Variants in CEP70 observed in about 807,000 individuals in gnomAD.
The protein encoded by CEP70 is centrosomal protein 70, also known as centrosomal protein of 70 kDa.
In CEP70, 70 loss-of-function variants were observed where a neutral mutation model predicts 90.9. The ratio of observed to expected loss-of-function variants is 0.77; its 90% CI spans 0.64 to 0.94. The LOEUF is 0.94. CEP70 is among the 40% of genes least tolerant of loss of function. CEP70 has a pLI of 0.00. For synonymous variants in CEP70, 220 were observed against 228.3 expected (o/e 0.96, Z 0.33); for missense variants, 648 against 669.0 (o/e 0.97, Z 0.35).
rs143985170 is a variant in CEP70 at position 138,557,435 on chromosome 3, T to C, written c.465+12883A>G. On this transcript the variant is annotated intron_variant, in intron 6 of 17. Transcript: ENST00000264982. ...GCATAGGAAATCACAAGGGTATTGA[T>C]TGGGGAAGTGATAAGCGTCCATGAA... is the stretch of plus-strand genomic sequence containing the variant. 3.9e-3 allele frequency among the ~76,000 whole-genome samples: 595 copies of C among 152,266 alleles called. 3 individuals carry two copies. The highest frequency in any genetic ancestry group is 0.014 in the African/African-American group (575 of 41,542).
At chr3:138,588,093 T>C (rs2042196834) in intron 2 of CEP70, among the ~76,000 whole-genome samples, 2 of 151,542 alleles carry the variant, frequency 1.3e-5, no homozygotes, top group South Asian at 4.2e-4. Context: ...TCTCACACCA[T>C]ATACAAAAAA....
At chr3:138,507,212 G>A (rs770142297) in intron 12 of CEP70, among the ~76,000 whole-genome samples, 9 of 152,044 alleles carry the variant, frequency 5.9e-5, no homozygotes, top group African/African-American at 2.4e-5. Context: ...AAATAACAAG[G>A]TATTTCCTAA....
intron 6 of CEP70, among the ~76,000 whole-genome samples, chr3:138,539,895 G>A (rs1414568959): frequency 6.6e-6 from 1 of 152,092 alleles, no homozygotes; most frequent in Admixed American, 6.6e-5. Context: ...ATACCATACT[G>A]GACATAGGAA....
chr3:138,512,798 T>C (rs1228956192), intron 11 of CEP70, among the ~76,000 whole-genome samples: 1 of 152,132 alleles, frequency 6.6e-6, no homozygotes, highest in Non-Finnish European at 1.5e-5. Flanking sequence ...GATCTCACAG[T>C]GGAATAAGAT....
chr3:138,575,493 A>AG (rs1474087184), intron 2 of CEP70, among the ~76,000 whole-genome samples: 44 of 152,244 alleles, frequency 2.9e-4, no homozygotes, highest in African/African-American at 8.4e-4. Context: ...CCCAAAAGTG[A>AG]TGGGGGGAAT....
intron 11 of CEP70, among the ~76,000 whole-genome samples, chr3:138,517,212 C>T (rs2036111299): frequency 6.6e-6 from 1 of 152,184 alleles, no homozygotes. Flanking sequence ...TAGGCAACTA[C>T]CTTTTTTGTT....
Position 138,505,399 on chromosome 3 carries a change from T to C in CEP70, c.1117A>G (p.Lys373Glu). The change falls in exon 13 of 18, where the codon AAA becomes GAA. Residue 373 changes from lysine to glutamate, a missense_variant. Physicochemically the swap from Lys to Glu is moderately conservative, Grantham distance 56. Transcript: ENST00000264982. ...TTATTAAAATTTTGGACTCCCCCTT[T>C]GGTCTGTTTATAAATTATTACTGGA... ...RAPVIIYKQT[K>E]GGVQNFNKDL... 1 of 1,612,216 alleles carries C rather than the reference T, an allele frequency of 6.2e-7. No individual in the cohort carries two copies. Among genetic ancestry groups the C allele is most frequent in the East Asian group, 2.2e-5 (1 of 44,744 alleles).
At position 138,571,319 on chromosome 3, in the gene CEP70, A is replaced by G; in HGVS notation, c.107T>C (p.Leu36Ser). 6.2e-7 allele frequency: 1 copy of G among 1,611,722 alleles called. No homozygotes were observed. Among genetic ancestry groups the G allele is most frequent in the Non-Finnish European group, 8.5e-7 (1 of 1,178,846 alleles). The part of the protein sequence containing the change: ...EAEWESINVL[L>S]MMHGLKPLSL... ...CAAAGGTTTTAAGCCATGCATCATC[A>G]ATAGCACATTTATGCTTTCCCATTC... The change falls in exon 4 of 18, where the codon TTG becomes TCG. Residue 36 changes from leucine (L) to serine (S), a missense_variant. By Grantham distance (145) the Leu-to-Ser change is moderately radical. Transcript: ENST00000264982.
chr3:138,511,256 C>T (rs1278531575), intron 11 of CEP70, among the ~76,000 whole-genome samples: 1 of 152,200 alleles, frequency 6.6e-6, no homozygotes, highest in African/African-American at 2.4e-5. Context: ...ACATATATTC[C>T]CCTTATATTC....
intron 11 of CEP70, among the ~76,000 whole-genome samples, chr3:138,517,057 T>A (rs760857721): frequency 6.6e-6 from 1 of 152,224 alleles, no homozygotes. Flanking sequence ...TAAAGTGTGA[T>A]AACGCTCACT....
In CEP70 at chr3:138,500,375, C is replaced by A; in HGVS notation, c.1537+24G>T. ...TATTAAAAATTCTTAAATGGGGGCC[C>A]AAAATGACAAATTAGGTCATCACCT... is the stretch of plus-strand genomic sequence containing the variant. On this transcript the variant is annotated intron_variant, in intron 15 of 17. Coordinates refer to ENST00000264982, the MANE Select transcript of CEP70 (RefSeq NM_024491.4). The A allele has an allele frequency of 1.9e-6, 3 of 1,555,180 alleles. No individual in the cohort carries two copies. In the South Asian group the frequency reaches 3.7e-5, roughly 19 times the overall value.
intron 13 of CEP70, among the ~76,000 whole-genome samples, chr3:138,502,673 A>G (rs1230596142): frequency 6.6e-6 from 1 of 152,240 alleles, no homozygotes; most frequent in Non-Finnish European, 1.5e-5. Context: ...TCAGAATAAA[A>G]GAGTATTACA....
At chr3:138,552,096 T>C (rs374974378) in intron 6 of CEP70, among the ~76,000 whole-genome samples, 3 of 152,152 alleles carry the variant, frequency 2.0e-5, no homozygotes, top group East Asian at 1.9e-4. Context: ...TATATAATGA[T>C]AGAAAGCCTT....
chr3:138,497,982 A>G, intron 17 of CEP70, 49 bp downstream of exon 17: 1 of 1,607,784 alleles, frequency 6.2e-7, no homozygotes, highest in Non-Finnish European at 8.5e-7. Flanking sequence ...TCTTAAATGC[A>G]CTGACATTTT....
intron 6 of CEP70, among the ~76,000 whole-genome samples, chr3:138,547,538 T>A (rs1416085493): frequency 6.6e-6 from 1 of 152,222 alleles, no homozygotes; most frequent in African/African-American, 2.4e-5. Flanking sequence ...CTTAGCAACC[T>A]CAGCAATTTT....
intron 17 of CEP70, among the ~76,000 whole-genome samples, chr3:138,495,396 T>A (rs2033889899): frequency 6.6e-6 from 1 of 152,240 alleles, no homozygotes; most frequent in African/African-American, 2.4e-5. Flanking sequence ...TCTCATTAGA[T>A]CTGTATCACT....
At position 138,572,951 on chromosome 3, in the gene CEP70, A is replaced by G; in HGVS notation, c.-5-19T>C. ...ATAGTTACTTTTGTAGAATCAAAAGAAACAGAAATTGGCAATTAAAAAATT... is the reference window on the plus strand; with the variant it reads ...ATAGTTACTTTTGTAGAATCAAAAGGAACAGAAATTGGCAATTAAAAAATT... On this transcript the variant is annotated intron_variant, in intron 2 of 17. Coordinates refer to ENST00000264982, the MANE Select transcript of CEP70 (RefSeq NM_024491.4). The G allele has an allele frequency of 6.3e-7, 1 of 1,575,064 alleles. No individual in the cohort carries two copies. Among genetic ancestry groups the G allele is most frequent in the Non-Finnish European group, 8.6e-7 (1 of 1,156,316 alleles).
rs903041901 is a variant in CEP70, at chr3:138,513,405, C to G, written c.945-4861G>C. Among the ~76,000 whole-genome samples the G allele has an allele frequency of 2.0e-5, 3 of 152,164 alleles. No individual in the cohort carries two copies. The East Asian group carries it at 5.8e-4, about 29-fold the overall frequency. ...CAAGATCTTCTTATTGGTGGAGAAG[C>G]CTTAATTAAAATACTTTTCTCCACT... On this transcript the variant is annotated intron_variant, in intron 11 of 17. Coordinates refer to ENST00000264982, the MANE Select transcript of CEP70 (RefSeq NM_024491.4).
chr3:138,518,683 C>A (rs1034092040), intron 11 of CEP70, among the ~76,000 whole-genome samples: 1 of 152,118 alleles, frequency 6.6e-6, no homozygotes, highest in African/African-American at 2.4e-5. Flanking sequence ...CCCATCTGTA[C>A]ATCATCATCA....
Sources: allele counts gnomAD v4.1 joint callset (sites outside exome capture counted in the v4.1 genomes callset), GRCh38; gene constraint gnomAD v4.1.1; transcripts MANE v1.5; gene names NCBI Gene and HGNC (gene_info 2026-07-23, HGNC 2026-07-21).